The following DSE variants were observed in gnomAD, a reference collection of about 807,000 sequenced individuals.
DSE encodes the protein dermatan sulfate epimerase.
DSE carries 36 observed loss-of-function variants against 84.4 expected under a neutral mutation model. The ratio of observed to expected loss-of-function variants is 0.43; its 90% CI spans 0.33 to 0.56. The LOEUF is 0.56. DSE is among the 20% of genes least tolerant of loss of function. DSE has a pLI of 0.06. For missense variants in DSE, 862 were observed against 1,169.6 expected, an observed-to-expected ratio of 0.74 and a Z score of 3.84; for synonymous variants, 410 against 430.1, an observed-to-expected ratio of 0.95 and a Z score of 0.58.
Position 116,299,527 on chromosome 6 carries a change from TATATATATATATATATATATATATACAC to T in DSE, c.-54+40564_-54+40591del, listed in dbSNP as rs1182544868. On this transcript the variant is annotated intron_variant, in intron 2 of 3. Coordinates refer to the DSE transcript ENST00000430252. ...TTTTATATATATATATATATATATA[TATATATATATATATATATATATATACAC>T]ATACACACACACACACACATACATA... is the stretch of plus-strand genomic sequence containing the variant. Among the ~76,000 whole-genome samples the T allele has an allele frequency of 1.9e-3, 58 of 29,868 alleles. 3 individuals are homozygous for T. The highest frequency in any genetic ancestry group is 0.01 in the South Asian group (2 of 192). The allele number at this position is 29,868 out of a possible 152,430, so 19.6% of individuals were successfully genotyped here.
At chr6:116,408,195 C>T (rs887167986) in intron 2 of DSE, among the ~76,000 whole-genome samples, 1 of 152,182 alleles carries the variant, frequency 6.6e-6, no homozygotes, top group Non-Finnish European at 1.5e-5. Context: ...CTTCTAGATT[C>T]GGCTCCAAAG....
exon 2 of DSE, chr6:116,258,734 T>C (rs1772263145): frequency 1.2e-6 from 2 of 1,608,958 alleles, no homozygotes; most frequent in Non-Finnish European, 1.7e-6. Flanking sequence ...GCGCACCCAA[T>C]GCGTGTGGAG....
intron 2 of DSE, among the ~76,000 whole-genome samples, chr6:116,352,798 C>T (rs1372139033): frequency 6.6e-6 from 1 of 152,192 alleles, no homozygotes; most frequent in East Asian, 1.9e-4. Flanking sequence ...TCTGGGCAAG[C>T]TCTGGGTGGG....
chr6:116,385,332 T>G (rs952830652), intron 1 of DSE, among the ~76,000 whole-genome samples: 18 of 152,196 alleles, frequency 1.2e-4, no homozygotes, highest in South Asian at 4.1e-4. Flanking sequence ...ACAGGATCAC[T>G]CTGGCTTCTA....
At chr6:116,261,212 C>G (rs1010954983) in intron 2 of DSE, among the ~76,000 whole-genome samples, 3 of 148,718 alleles carry the variant, frequency 2.0e-5, no homozygotes, top group African/African-American at 5.2e-5. Context: ...AGGTGTATTC[C>G]TAGGTACTTT....
intron 2 of DSE, among the ~76,000 whole-genome samples, chr6:116,314,154 T>A (rs946803217): frequency 2.0e-5 from 3 of 152,190 alleles, no homozygotes; most frequent in African/African-American, 7.2e-5. Flanking sequence ...GCTTTTCTGG[T>A]CCATGTGCTT....
chr6:116,354,940 C>T lies in DSE; in HGVS notation c.-53-44258C>T, dbSNP rs76138473. On this transcript the variant is annotated intron_variant, in intron 2 of 3. Transcript: ENST00000430252. The stretch of plus-strand genomic sequence containing the variant: ...ATGAAATGTGCTTTCCATGGAAATA[C>T]GCCAAATTTGACACTGGTGTCAATT... Among the ~76,000 whole-genome samples the T allele has an allele frequency of 3.6e-3, 552 of 152,212 alleles. 8 individuals are homozygous for T. The highest frequency in any genetic ancestry group is 0.013 in the African/African-American group (528 of 41,538).
intron 2 of DSE, among the ~76,000 whole-genome samples, chr6:116,331,442 T>G (rs996903443): frequency 6.6e-6 from 1 of 152,136 alleles, no homozygotes; most frequent in African/African-American, 2.4e-5. Flanking sequence ...TCAGATCTCA[T>G]GAGAAGTCAC....
intron 1 of DSE, among the ~76,000 whole-genome samples, chr6:116,396,341 T>G (rs931396083): frequency 6.6e-6 from 1 of 152,142 alleles, no homozygotes; most frequent in Admixed American, 6.5e-5. Context: ...ACAAAAGCCT[T>G]AATAGCTGGG....
At chr6:116,330,471 A>G (rs533840790) in intron 2 of DSE, among the ~76,000 whole-genome samples, 21 of 152,318 alleles carry the variant, frequency 1.4e-4, no homozygotes, top group Non-Finnish European at 2.4e-4. Context: ...CCAAAAAGCA[A>G]TTTATTTTAA....
intron 2 of DSE, among the ~76,000 whole-genome samples, chr6:116,410,128 C>T (rs965929431): frequency 1.1e-4 from 16 of 152,008 alleles, no homozygotes; most frequent in East Asian, 5.8e-4. Flanking sequence ...TATGTATGTA[C>T]GTTAACCTTT....
intron 2 of DSE, among the ~76,000 whole-genome samples, chr6:116,261,091 A>G (rs1772393619): frequency 6.6e-6 from 1 of 152,212 alleles, no homozygotes; most frequent in Admixed American, 6.5e-5. Flanking sequence ...CATTATAACA[A>G]TATTGATTCT....
upstream of DSE, chr6:116,370,134 G>A (rs554487777): frequency 2.8e-6 from 1 of 359,214 alleles, no homozygotes; most frequent in South Asian, 2.3e-5. Flanking sequence ...TCTCCAGGAG[G>A]CTGTGACTAC....
At chr6:116,433,608 T>C in intron 5 of DSE, 58 bp downstream of exon 5, 1 of 1,506,720 alleles carries the variant, frequency 6.6e-7, no homozygotes, top group Non-Finnish European at 9.0e-7. Context: ...CTATTCATGC[T>C]ATGCACTTGT....
chr6:116,289,695 G>A (rs1474801644), intron 2 of DSE, among the ~76,000 whole-genome samples: 2 of 151,840 alleles, frequency 1.3e-5, no homozygotes, highest in East Asian at 3.9e-4. Flanking sequence ...AATTCATCAA[G>A]GTCATTTACT....
intron 2 of DSE, among the ~76,000 whole-genome samples, chr6:116,289,428 T>C (rs1420628385): frequency 6.6e-6 from 1 of 152,012 alleles, no homozygotes; most frequent in African/African-American, 2.4e-5. Context: ...TTAAGCAATT[T>C]CATGCAAAGG....
rs1784363125 is a variant in DSE, at chr6:116,439,569, A to G, written c.*2224A>G. ...CTTCATAATGAAACATGTTTTTTTT[A>G]ATCAGGGATAGTGCATATTTGAGTA... On this transcript the variant is annotated 3_prime_UTR_variant, in exon 6 of 6. Transcript: ENST00000644252. 6.6e-6 allele frequency: 1 copy of G among 151,636 alleles called. No individual in the cohort carries two copies. Among genetic ancestry groups the G allele is most frequent in the Non-Finnish European group, 1.5e-5 (1 of 67,900 alleles). 9.4% of individuals were successfully genotyped at this position (151,636 alleles called of 1,614,324 possible).
chr6:116,382,027 A>G (rs1780259013), intron 1 of DSE, among the ~76,000 whole-genome samples: 1 of 122,918 alleles, frequency 8.1e-6, no homozygotes, highest in Admixed American at 8.5e-5. Flanking sequence ...TTTCATCTTC[A>G]CATGGCATTC....
At chr6:116,404,317 G>A (rs1781782181) in intron 2 of DSE, among the ~76,000 whole-genome samples, 1 of 152,238 alleles carries the variant, frequency 6.6e-6, no homozygotes, top group Non-Finnish European at 1.5e-5. Flanking sequence ...ATGGGAAGAT[G>A]AATGCATTTA....
Sources: allele counts gnomAD v4.1 joint callset (sites outside exome capture counted in the v4.1 genomes callset), GRCh38; gene constraint gnomAD v4.1.1; transcripts MANE v1.5; gene names NCBI Gene and HGNC (gene_info 2026-07-23, HGNC 2026-07-21).